Variants in LRP1 observed in about 807,000 individuals in gnomAD.
LRP1 encodes the protein LDL receptor related protein 1.
Under a neutral mutation model 541.5 loss-of-function variants are expected in LRP1, and 51 were observed. The ratio of observed to expected loss-of-function variants is 0.09; its 90% CI spans 0.08 to 0.12. The LOEUF (loss-of-function observed/expected upper bound fraction) is 0.12. Ranked by LOEUF, LRP1 falls within the 10% of genes least tolerant of loss-of-function variation. The pLI, the probability that LRP1 is intolerant of heterozygous loss-of-function variation, is 1.00. For synonymous variants in LRP1, 2,219 were observed against 2,470.8 expected, an observed-to-expected ratio of 0.90 and a Z score of 3.02; for missense variants, 3,878 against 6,376.2, an observed-to-expected ratio of 0.61 and a Z score of 13.34.
intron 80 of LRP1, 74 bp from the exon 81 acceptor site, chr12:57,209,955 G>A: frequency 6.3e-7 from 1 of 1,588,496 alleles, no homozygotes; most frequent in Non-Finnish European, 8.6e-7. Context: ...TGGTGGAGAG[G>A]GGGTCACCCT....
Position 57,201,954 on chromosome 12 carries a change from G to T in LRP1, c.10594+49G>T. On this transcript the variant is annotated intron_variant, in intron 67 of 88. Coordinates refer to ENST00000243077, the MANE Select transcript of LRP1 (RefSeq NM_002332.3). This position sits in a 1 kb window ranked among gnomAD's most constrained non-coding sequence, Gnocchi z 6.4. Reference sequence around the variant, plus strand: ...AGGAAGACAGTCTACCTGGGTGGGAGGCATGGCACCCCTGGCAGGTGGAGG... The same window carrying T: ...AGGAAGACAGTCTACCTGGGTGGGATGCATGGCACCCCTGGCAGGTGGAGG... The T allele has an allele frequency of 6.2e-7, 1 of 1,607,346 alleles. No homozygotes were observed. The highest frequency in any genetic ancestry group is 8.5e-7 in the Non-Finnish European group (1 of 1,175,252).
chr12:57,211,087 G>A lies in LRP1; in HGVS notation c.12917-89G>A. 6.7e-7 allele frequency: 1 copy of A among 1,488,530 alleles called. No homozygotes were observed. The highest frequency in any genetic ancestry group is 9.2e-7 in the Non-Finnish European group (1 of 1,087,720). 92.2% of individuals were successfully genotyped at this position (1,488,530 alleles called of 1,614,324 possible). ...TGAGGCAGTGCACCCCCTGCACCAAGATTATGCAAACAGAAAAGCTCTGTT... is the reference window on the plus strand; with the variant it reads ...TGAGGCAGTGCACCCCCTGCACCAAAATTATGCAAACAGAAAAGCTCTGTT... On this transcript the variant is annotated intron_variant, in intron 83 of 88. Coordinates refer to ENST00000243077, the MANE Select transcript of LRP1 (RefSeq NM_002332.3). The surrounding 1 kb of genome is among the most constrained non-coding windows in gnomAD (Gnocchi z 4.3).
In LRP1 at chr12:57,201,963, C is replaced by A. The variant is rs778435636; in HGVS notation, c.10594+58C>A. ...GTCTACCTGGGTGGGAGGCATGGCA[C>A]CCCTGGCAGGTGGAGGGCTGGGGGC... On this transcript the variant is annotated intron_variant, in intron 67 of 88. Transcript: ENST00000243077. The surrounding 1 kb of genome is among the most constrained non-coding windows in gnomAD (Gnocchi z 6.4). 8 of 1,604,058 alleles carry A rather than the reference C, an allele frequency of 5.0e-6. No homozygotes were observed. The highest frequency in any genetic ancestry group is 2.2e-5 in the South Asian group (2 of 90,524).
chr12:57,174,081 G>A, intron 22 of LRP1, 101 bp downstream of exon 22: 1 of 1,228,496 alleles, frequency 8.1e-7, no homozygotes, highest in South Asian at 1.3e-5. Context: ...GAGCAGCTCT[G>A]GCAGCCGGGC....
chr12:57,205,385 C>T lies in LRP1; in HGVS notation c.11370C>T (p.Ser3790=). 6.2e-7 allele frequency: 1 copy of T among 1,609,036 alleles called. No homozygotes were observed. The highest frequency in any genetic ancestry group is 8.5e-7 in the Non-Finnish European group (1 of 1,179,410). ...TGACCAGCTGCGCCACCAATGCCAG[C>T]ATCTGTGGGGACGAGGCACGCTGCG... ...PKLTSCATNA[S]ICGDEARCVR... The change falls in exon 74 of 89, where the codon AGC becomes AGT. Residue 3790 remains serine (S), a synonymous_variant. Coordinates refer to ENST00000243077, the MANE Select transcript of LRP1 (RefSeq NM_002332.3). This position sits in a 1 kb window ranked among gnomAD's most constrained non-coding sequence, Gnocchi z 4.6.
At position 57,173,649 on chromosome 12, in the gene LRP1, C is replaced by T. The variant is rs2035986610; in HGVS notation, c.3347-131C>T. 3.2e-6 allele frequency: 3 copies of T among 936,970 alleles called. No homozygotes were observed. Among genetic ancestry groups the T allele is most frequent in the Non-Finnish European group, 4.9e-6 (3 of 607,584 alleles). The allele number at this position is 936,970 out of a possible 1,614,324, so 58.0% of individuals were successfully genotyped here. The stretch of plus-strand genomic sequence containing the variant: ...CCTATGTGAATTTGACCCAAAAAGC[C>T]TCGGGGTTCCTCGTGGACCCCACAG... On this transcript the variant is annotated intron_variant, in intron 21 of 88. Transcript: ENST00000243077. The surrounding 1 kb of genome is among the most constrained non-coding windows in gnomAD (Gnocchi z 4.7).
At chr12:57,190,703 C>A in intron 42 of LRP1, 102 bp from the exon 43 acceptor site, 1 of 1,097,922 alleles carries the variant, frequency 9.1e-7, no homozygotes. Flanking sequence ...TGGCTTTGCC[C>A]TGGCAGGCTT....
chr12:57,133,705 A>AC (rs1350641988), intron 1 of LRP1, among the ~76,000 whole-genome samples: 1 of 122,132 alleles, frequency 8.2e-6, no homozygotes, highest in African/African-American at 3.2e-5. Context: ...CCTTTAGAGA[A>AC]CCCCCCTCTC....
At chr12:57,209,365 C>T (rs1388394111) in intron 79 of LRP1, among the ~76,000 whole-genome samples, 166 bp downstream of exon 79, 1 of 152,258 alleles carries the variant, frequency 6.6e-6, no homozygotes, top group East Asian at 1.9e-4. Context: ...CTGAACCAGC[C>T]CTGCAGGCCT....
chr12:57,167,218 C>T (rs1278267678), intron 18 of LRP1, among the ~76,000 whole-genome samples, 172 bp downstream of exon 18: 1 of 152,126 alleles, frequency 6.6e-6, no homozygotes, highest in African/African-American at 2.4e-5. Context: ...CATTGTGTCT[C>T]AGCAAACTCA....
intron 16 of LRP1, 47 bp from the exon 17 acceptor site, chr12:57,166,037 T>G: frequency 6.2e-7 from 1 of 1,613,432 alleles, no homozygotes; most frequent in Non-Finnish European, 8.5e-7. Context: ...GGCAGGAAGC[T>G]GGGGGCACCC....
chr12:57,209,876 C>T lies in LRP1; in HGVS notation c.12439+8C>T. 1.2e-6 allele frequency: 2 copies of T among 1,612,344 alleles called. No homozygotes were observed. The highest frequency in any genetic ancestry group is 1.7e-6 in the Non-Finnish European group (2 of 1,179,084). ...AGCACAAGCAGCCCGAAGGTGGGGG[C>T]AGAGGGGAGCCTGGGCTGGGGAAGG... On this transcript the variant is annotated splice_region_variant and intron_variant, in intron 80 of 88. Transcript: ENST00000243077.
At chr12:57,166,288 C>T (rs574075902) in intron 17 of LRP1, 79 bp downstream of exon 17, 12 of 1,496,914 alleles carry the variant, frequency 8.0e-6, no homozygotes, top group Non-Finnish European at 9.8e-6. Context: ...GGTTCAGTGG[C>T]TCATGCCTAT....
At chr12:57,149,485 T>G in intron 6 of LRP1, 1 of 608,188 alleles carries the variant, frequency 1.6e-6, no homozygotes, top group South Asian at 1.9e-5. Context: ...CTTGCTGTTT[T>G]CAAGCCAAAG....
At position 57,195,873 on chromosome 12, in the gene LRP1, C is replaced by G. The variant is rs138150221; in HGVS notation, c.8571C>G (p.Thr2857=). 72 of 1,613,814 alleles carry G rather than the reference C, an allele frequency of 4.5e-5. No homozygotes were observed. The highest frequency in any genetic ancestry group is 3.3e-4 in the Middle Eastern group (2 of 6,084). ...SDESPECEYP[T]CGPSEFRCAN... is the part of the protein sequence containing the mutation. ...CCATTCCTCCCCCAGAGTACCCGAC[C>G]TGCGGCCCCAGTGAGTTCCGCTGTG... is the stretch of plus-strand genomic sequence containing the variant. The change falls in exon 54 of 89, where the codon ACC becomes ACG. Residue 2857 remains threonine (T), a synonymous_variant. Coordinates refer to ENST00000243077, the MANE Select transcript of LRP1 (RefSeq NM_002332.3).
rs1332515780 is a variant in LRP1 at position 57,211,136 on chromosome 12, G to T, written c.12917-40G>T. On this transcript the variant is annotated intron_variant, in intron 83 of 88. Transcript: ENST00000243077. The surrounding 1 kb of genome is among the most constrained non-coding windows in gnomAD (Gnocchi z 4.3). ...TTCAACCTATGGAGAGCCCTCATGA[G>T]GGTGGGGCTTGAGGCACTTCTCTCC... The T allele has an allele frequency of 4.4e-6, 7 of 1,602,728 alleles. No homozygotes were observed. The highest frequency in any genetic ancestry group is 5.1e-6 in the Non-Finnish European group (6 of 1,171,398).
At chr12:57,187,691 T>C (rs989740399) in intron 42 of LRP1, among the ~76,000 whole-genome samples, 4 of 152,210 alleles carry the variant, frequency 2.6e-5, no homozygotes, top group Non-Finnish European at 5.9e-5. Context: ...GCATCAGGAC[T>C]GTGGGGGACG....
chr12:57,162,868 C>T lies in LRP1; in HGVS notation c.2415C>T (p.Asn805=). The T allele has an allele frequency of 1.2e-6, 2 of 1,609,718 alleles. No individual in the cohort carries two copies. Among genetic ancestry groups the T allele is most frequent in the Non-Finnish European group, 1.7e-6 (2 of 1,178,476 alleles). ...YDAQQQQVGT[N]KCRVNNGGCS... ...GGCCCTTCCCCACAGTTGGCACCAA[C>T]AAATGCCGGGTGAACAATGGCGGCT... The change falls in exon 15 of 89, where the codon AAC becomes AAT. Residue 805 remains asparagine (N), a synonymous_variant. Transcript: ENST00000243077. The surrounding 1 kb of genome is among the most constrained non-coding windows in gnomAD (Gnocchi z 5.2).
chr12:57,138,683 A>T, intron 2 of LRP1, 102 bp downstream of exon 2: 1 of 1,479,854 alleles, frequency 6.8e-7, no homozygotes, highest in Non-Finnish European at 9.2e-7. Flanking sequence ...CCTGATGTGG[A>T]CCTTGCTCAG....
Sources: gnomAD v4.1 joint callset for allele counts (sites outside exome capture counted in the v4.1 genomes callset) on GRCh38, gnomAD v4.1.1 for gene constraint, Gnocchi (gnomAD v3.1) non-coding constraint, MANE v1.5 for transcripts, NCBI Gene and HGNC (gene_info 2026-07-23, HGNC 2026-07-21) for gene names.